The following SLC25A48 variants were observed in gnomAD, a reference collection of about 807,000 sequenced individuals.
The protein encoded by SLC25A48 is solute carrier family 25 member 48.
In SLC25A48, 29 loss-of-function variants were observed where a neutral mutation model predicts 32.2. That is an observed-to-expected ratio of 0.90 (90% CI 0.67 to 1.23). SLC25A48 has a LOEUF of 1.23. SLC25A48 is among the 50% of genes most tolerant of loss of function. SLC25A48 has a pLI of 0.00. For synonymous variants in SLC25A48, 164 were observed against 172.3 expected (o/e 0.95, Z 0.38); for missense variants, 399 against 422.7 (o/e 0.94, Z 0.49).
intron 5 of SLC25A48, chr5:135,871,976 C>T (rs888632502): frequency 1.5e-6 from 2 of 1,376,298 alleles, no homozygotes; most frequent in African/African-American, 1.4e-5. Context: ...TACTCTGTGT[C>T]AGGCATTACT....
chr5:135,789,206 G>GGTGAGTGTACACCCCCCC (rs1580881634), intron 3 of SLC25A48, among the ~76,000 whole-genome samples: 3 of 138,384 alleles, frequency 2.2e-5, no homozygotes, highest in African/African-American at 8.2e-5. Flanking sequence ...ACCCTCCCCC[G>GGTGAGTGTACACCCCCCC]CCACGATATG....
chr5:135,667,220 A>T (rs1273152300), intron 3 of SLC25A48, among the ~76,000 whole-genome samples: 2 of 151,922 alleles, frequency 1.3e-5, no homozygotes, highest in Non-Finnish European at 2.9e-5. Flanking sequence ...TTCTAAAAGC[A>T]CTCTGCTTGG....
Position 135,600,808 on chromosome 5 carries a change from G to A in SLC25A48, c.-849+21211G>A, listed in dbSNP as rs183811210. On this transcript the variant is annotated intron_variant, in intron 1 of 10. Coordinates refer to the SLC25A48 transcript ENST00000646290. ...AGCAATTCTCCTGCCTCAGCCTCCC[G>A]AGCAGCTGGGACTACAGGTACGTGC... Among the ~76,000 whole-genome samples the A allele has an allele frequency of 1.6e-3, 245 of 151,148 alleles. 3 individuals are homozygous for A. The highest frequency in any genetic ancestry group is 5.6e-3 in the African/African-American group (229 of 41,162).
chr5:135,723,411 C>A, intron 3 of SLC25A48, among the ~76,000 whole-genome samples: 1 of 143,600 alleles, frequency 7.0e-6, no homozygotes, highest in Non-Finnish European at 1.5e-5. Flanking sequence ...CACACACACA[C>A]ACAATGGGGA....
intron 1 of SLC25A48, among the ~76,000 whole-genome samples, chr5:135,617,581 C>T (rs1752218751): frequency 6.6e-6 from 1 of 151,716 alleles, no homozygotes; most frequent in African/African-American, 2.4e-5. Context: ...TTGAGGTACT[C>T]ATCTATTGCT....
intron 3 of SLC25A48, among the ~76,000 whole-genome samples, chr5:135,709,754 A>G (rs915912634): frequency 6.6e-6 from 1 of 152,208 alleles, no homozygotes; most frequent in African/African-American, 2.4e-5. Context: ...TCTACATTAT[A>G]TGATTCCTAT....
chr5:135,803,812 CA>C (rs1256111404), intron 3 of SLC25A48, among the ~76,000 whole-genome samples: 1 of 151,564 alleles, frequency 6.6e-6, no homozygotes, highest in Non-Finnish European at 1.5e-5. Flanking sequence ...TATTACTCCT[CA>C]TATAACAGTG....
At chr5:135,777,788 G>GGT (rs1561488369) in intron 3 of SLC25A48, among the ~76,000 whole-genome samples, 2 of 148,432 alleles carry the variant, frequency 1.3e-5, no homozygotes, top group Non-Finnish European at 1.5e-5. Flanking sequence ...AATATCCGGG[G>GGT]GGGGGGGGAA....
intron 3 of SLC25A48, among the ~76,000 whole-genome samples, chr5:135,746,966 G>C (rs1048094343): frequency 6.7e-6 from 1 of 149,442 alleles, no homozygotes; most frequent in Non-Finnish European, 1.5e-5. Flanking sequence ...CTCTTGCCCC[G>C]TCATTAGATT....
chr5:135,742,834 GGTAGGGACT>G (rs1040257182), intron 3 of SLC25A48, among the ~76,000 whole-genome samples: 3 of 151,906 alleles, frequency 2.0e-5, no homozygotes, highest in Non-Finnish European at 2.9e-5. Context: ...TCTCCACAAG[GGTAGGGACT>G]GTCTGAAGCT....
chr5:135,596,453 A>G (rs1000482089), intron 1 of SLC25A48, among the ~76,000 whole-genome samples: 4 of 152,182 alleles, frequency 2.6e-5, no homozygotes, highest in Non-Finnish European at 5.9e-5. Context: ...CAGCAACACC[A>G]TGTCCCCATA....
chr5:135,659,515 A>T (rs1158619378), intron 3 of SLC25A48, among the ~76,000 whole-genome samples: 1 of 152,114 alleles, frequency 6.6e-6, no homozygotes, highest in Non-Finnish European at 1.5e-5. Flanking sequence ...GAGCCCTCCA[A>T]AGTCTTCCAA....
At chr5:135,771,811 G>T (rs1427924899) in intron 3 of SLC25A48, among the ~76,000 whole-genome samples, 3 of 72,646 alleles carry the variant, frequency 4.1e-5, no homozygotes, top group African/African-American at 1.7e-4. Flanking sequence ...GTAATATTTA[G>T]GGGGGGGAGA....
intron 3 of SLC25A48, chr5:135,648,562 TGTAGCACTAA>T (rs1753026481): frequency 1.3e-5 from 2 of 152,224 alleles, no homozygotes; most frequent in South Asian, 2.1e-4. Context: ...CCAGCCCAGC[TGTAGCACTAA>T]GTGCCATGTG....
intron 4 of SLC25A48, among the ~76,000 whole-genome samples, chr5:135,823,127 C>T (rs1757934701): frequency 6.6e-6 from 1 of 151,996 alleles, no homozygotes; most frequent in South Asian, 2.1e-4. Flanking sequence ...GGGGCGGGGA[C>T]TCAAGGCCCA....
chr5:135,865,556 G>A (rs889200672), intron 4 of SLC25A48, among the ~76,000 whole-genome samples: 2 of 152,180 alleles, frequency 1.3e-5, no homozygotes, highest in Non-Finnish European at 1.5e-5. Context: ...AATGCCAAGG[G>A]TGTGAGTCTT....
intron 3 of SLC25A48, among the ~76,000 whole-genome samples, chr5:135,803,540 A>G (rs1757386486): frequency 6.6e-6 from 1 of 151,974 alleles, no homozygotes; most frequent in African/African-American, 2.4e-5. Context: ...ATTTTTTAAT[A>G]TCACAGTCAG....
chr5:135,865,829 A>C (rs761002754), intron 4 of SLC25A48, among the ~76,000 whole-genome samples: 10 of 152,226 alleles, frequency 6.6e-5, no homozygotes, highest in Admixed American at 2.0e-4. Flanking sequence ...ATCGAACAGC[A>C]GCTGTACTTT....
At chr5:135,831,257 C>A (rs989348155), upstream of SLC25A48, among the ~76,000 whole-genome samples, 2 of 152,172 alleles carry the variant, frequency 1.3e-5, no homozygotes, top group South Asian at 4.1e-4. Flanking sequence ...TATCCAGACA[C>A]CCTCCTTGTC....
Sources: allele counts gnomAD v4.1 joint callset (sites outside exome capture counted in the v4.1 genomes callset), GRCh38; gene constraint gnomAD v4.1.1; transcripts MANE v1.5; gene names NCBI Gene and HGNC (gene_info 2026-07-23, HGNC 2026-07-21).